SRGAP2B: variants seen among roughly 807,000 people sequenced by gnomAD.
The protein encoded by SRGAP2B is SLIT-ROBO Rho GTPase activating protein 2B.
SRGAP2B carries 9 observed loss-of-function variants against 22.2 expected under a neutral mutation model. The observed-to-expected ratio is 0.41, with a 90% confidence interval of 0.24 to 0.71. SRGAP2B has a LOEUF of 0.71. SRGAP2B is among the 30% of genes least tolerant of loss of function. The pLI is 0.35. For synonymous variants in SRGAP2B, 36 were observed against 87.4 expected (o/e 0.41, Z 3.28); for missense variants, 114 against 235.8 (o/e 0.48, Z 3.38).
At chr1:145,009,328 C>T (rs1434969592) in intron 2 of SRGAP2B, among the ~76,000 whole-genome samples, 1 of 150,420 alleles carries the variant, frequency 6.6e-6, no homozygotes, top group Non-Finnish European at 1.5e-5. Context: ...GTGGCTCACG[C>T]CTGTAATCCC....
intron 2 of SRGAP2B, among the ~76,000 whole-genome samples, chr1:145,041,005 CTATT>C (rs1357861342): frequency 1.9e-3 from 239 of 127,514 alleles, no homozygotes; most frequent in African/African-American, 7.0e-3. Flanking sequence ...TCCCATAGCT[CTATT>C]TATTTATTTT....
chr1:144,991,272 A>C (rs1670195377), intron 3 of SRGAP2B, among the ~76,000 whole-genome samples: 1 of 148,982 alleles, frequency 6.7e-6, no homozygotes, highest in Non-Finnish European at 1.5e-5. Flanking sequence ...TGTCTAGCTC[A>C]AGGATTGTAA....
Position 144,984,371 on chromosome 1 carries a change from A to AC in SRGAP2B, c.260+10636_260+10637insG, listed in dbSNP as rs1669560645. ...ACAACAACAACAACAACAACAAAAA[A>AC]AAAAAAACAAAAAAGCCCCTCTCTA... On this transcript the variant is annotated intron_variant, in intron 3 of 9. Transcript: ENST00000612199. Among the ~76,000 whole-genome samples, 139 of 143,784 alleles carry AC rather than the reference A, an allele frequency of 9.7e-4. 6 individuals carry two copies. Among genetic ancestry groups the AC allele is most frequent in the African/African-American group, 2.8e-3 (101 of 36,348 alleles). The allele number at this position is 143,784 out of a possible 152,430, so 94.3% of individuals were successfully genotyped here. A position where few individuals can be genotyped will look rare whatever the true frequency, so the allele number is the denominator to read the frequency against.
Position 144,965,527 on chromosome 1 carries a change from T to G in SRGAP2B, c.261-9926A>C, listed in dbSNP as rs6600678. ...TCAAAGACCAAAAGTAGAGAAAACC[T>G]CAAAGATGGGGAAAAAACAGAACAG... On this transcript the variant is annotated intron_variant, in intron 3 of 9. Coordinates refer to ENST00000612199, the Ensembl canonical transcript of SRGAP2B. Among the ~76,000 whole-genome samples the G allele has an allele frequency of 5.9e-3, 837 of 141,144 alleles. 12 individuals are homozygous for G. Among genetic ancestry groups the G allele is most frequent in the Non-Finnish European group, 8.4e-3 (565 of 67,248 alleles). The allele number at this position is 141,144 out of a possible 152,430, so 92.6% of individuals were successfully genotyped here. A position where few individuals can be genotyped will look rare whatever the true frequency, so the allele number is the denominator to read the frequency against.
intron 4 of SRGAP2B, among the ~76,000 whole-genome samples, chr1:144,942,970 CGGTAGACTA>C (rs1666171560): frequency 7.5e-6 from 1 of 132,460 alleles, no homozygotes; most frequent in Non-Finnish European, 1.6e-5. Context: ...GCATCACTAT[CGGTAGACTA>C]ACTAGATGTT....
intron 2 of SRGAP2B, among the ~76,000 whole-genome samples, chr1:145,031,846 CAAAAAAAAAAA>C (rs1210654407): frequency 7.7e-5 from 4 of 51,688 alleles, no homozygotes; most frequent in Non-Finnish European, 1.5e-4. Context: ...GACTCCGTCT[CAAAAAAAAAAA>C]AAAAAAAAAA....
At chr1:144,923,289 T>C (rs1186022850) in intron 4 of SRGAP2B, among the ~76,000 whole-genome samples, 1 of 150,882 alleles carries the variant, frequency 6.6e-6, no homozygotes, top group Non-Finnish European at 1.5e-5. Context: ...GTGATCTTTG[T>C]CTTGGCAAAT....
chr1:145,011,762 G>A (rs1672069710), intron 2 of SRGAP2B, among the ~76,000 whole-genome samples: 1 of 148,918 alleles, frequency 6.7e-6, no homozygotes, highest in Non-Finnish European at 1.5e-5. Flanking sequence ...CTGAATTGCT[G>A]TGGTAGCTCC....
At chr1:145,006,669 A>G (rs1173783906) in intron 2 of SRGAP2B, among the ~76,000 whole-genome samples, 3 of 150,986 alleles carry the variant, frequency 2.0e-5, no homozygotes, top group Admixed American at 1.3e-4. Flanking sequence ...GTTTGTTATA[A>G]GAACTGATTT....
intron 9 of SRGAP2B, among the ~76,000 whole-genome samples, chr1:144,892,606 G>A (rs1251544875): frequency 9.3e-5 from 14 of 150,180 alleles, no homozygotes; most frequent in Middle Eastern, 3.2e-3. Context: ...AACCCTTCAT[G>A]CTATGTACTT....
At chr1:144,967,317 A>G (rs1487023836) in intron 3 of SRGAP2B, among the ~76,000 whole-genome samples, 1 of 100,644 alleles carries the variant, frequency 9.9e-6, no homozygotes, top group East Asian at 2.8e-4. Flanking sequence ...CAATCAAACT[A>G]GAACTCAGGA....
At chr1:144,909,147 T>TA (rs1365815331) in intron 5 of SRGAP2B, among the ~76,000 whole-genome samples, 1 of 150,232 alleles carries the variant, frequency 6.7e-6, no homozygotes, top group Non-Finnish European at 1.5e-5. Flanking sequence ...GAAAAGCGGG[T>TA]AGGCAAGCAG....
intron 2 of SRGAP2B, among the ~76,000 whole-genome samples, chr1:145,012,077 G>T (rs1553622331): frequency 6.7e-6 from 1 of 150,254 alleles, no homozygotes; most frequent in East Asian, 2.0e-4. Context: ...AGCAGCCTTT[G>T]TGACCACTCC....
chr1:144,956,305 GT>G (rs1667256007), intron 3 of SRGAP2B, among the ~76,000 whole-genome samples: 1 of 134,326 alleles, frequency 7.4e-6, no homozygotes, highest in African/African-American at 2.9e-5. Flanking sequence ...ATCTAAGGAA[GT>G]TTTGATTTCA....
At chr1:144,972,725 C>A (rs1282111503) in intron 3 of SRGAP2B, among the ~76,000 whole-genome samples, 2 of 149,200 alleles carry the variant, frequency 1.3e-5, no homozygotes, top group Admixed American at 6.7e-5. Context: ...GGGATTCAAC[C>A]CATTAGTGAG....
intron 2 of SRGAP2B, among the ~76,000 whole-genome samples, chr1:145,067,270 C>T (rs1403041080): frequency 7.5e-6 from 1 of 133,960 alleles, no homozygotes; most frequent in African/African-American, 2.9e-5. Context: ...GCCTGGACAA[C>T]AGAACAAGAC....
chr1:145,012,479 A>G (rs1380686896), intron 2 of SRGAP2B, among the ~76,000 whole-genome samples: 2 of 137,948 alleles, frequency 1.4e-5, no homozygotes, highest in Non-Finnish European at 3.1e-5. Context: ...GAGATGCATT[A>G]TCTAGTCACC....
chr1:144,958,412 C>G (rs1486958219), intron 3 of SRGAP2B, among the ~76,000 whole-genome samples: 1 of 149,388 alleles, frequency 6.7e-6, no homozygotes, highest in African/African-American at 2.5e-5. Context: ...AATCCCAGCA[C>G]TTTGGGAGGC....
intron 4 of SRGAP2B, among the ~76,000 whole-genome samples, chr1:144,939,022 A>G (rs1240509144): frequency 1.7e-5 from 1 of 57,454 alleles, no homozygotes; most frequent in African/African-American, 8.2e-5. Context: ...CACACTGAGT[A>G]CTGCTGCCAA....
Sources: gnomAD v4.1 joint callset for allele counts (sites outside exome capture counted in the v4.1 genomes callset) on GRCh38, gnomAD v4.1.1 for gene constraint, MANE v1.5 for transcripts, NCBI Gene and HGNC (gene_info 2026-07-23, HGNC 2026-07-21) for gene names.